CPQ: variants seen among roughly 807,000 people sequenced by gnomAD.
The protein encoded by CPQ is carboxypeptidase Q, also known as Ser-Met dipeptidase.
In CPQ, 37 loss-of-function variants were observed where a neutral mutation model predicts 45.7. That is an observed-to-expected ratio of 0.81 (90% CI 0.62 to 1.07). CPQ has a LOEUF of 1.07. Among genes scored for constraint, CPQ ranks in the 50% least tolerant of loss-of-function variants. The pLI, the probability that CPQ is intolerant of heterozygous loss-of-function variation, is 0.00. For missense variants in CPQ, 537 were observed against 572.9 expected (o/e 0.94, Z 0.64); for synonymous variants, 186 against 205.8 (o/e 0.90, Z 0.82).
intron 1 of CPQ, among the ~76,000 whole-genome samples, chr8:96,724,677 T>C (rs959452859): frequency 6.6e-6 from 1 of 152,170 alleles, no homozygotes; most frequent in African/African-American, 2.4e-5. Flanking sequence ...ATGTCCACAC[T>C]GGCCCCAAGA....
intron 4 of CPQ, among the ~76,000 whole-genome samples, chr8:96,930,114 G>T (rs1338440859): frequency 6.6e-6 from 1 of 152,164 alleles, no homozygotes; most frequent in Non-Finnish European, 1.5e-5. Flanking sequence ...AATGAAAAAT[G>T]AAAATACAGT....
At chr8:97,067,670 A>G (rs1810662819) in intron 7 of CPQ, among the ~76,000 whole-genome samples, 2 of 152,244 alleles carry the variant, frequency 1.3e-5, no homozygotes, top group African/African-American at 4.8e-5. Flanking sequence ...ATAACTAAAA[A>G]TAAAAGGAGC....
chr8:96,769,819 G>A (rs1240446221), intron 1 of CPQ, among the ~76,000 whole-genome samples: 1 of 151,678 alleles, frequency 6.6e-6, no homozygotes, highest in Non-Finnish European at 1.5e-5. Context: ...TTTGTGGGGG[G>A]TGGGTAGAGA....
chr8:97,101,067 T>C (rs1287307646), intron 7 of CPQ, among the ~76,000 whole-genome samples: 1 of 152,204 alleles, frequency 6.6e-6, no homozygotes, highest in Non-Finnish European at 1.5e-5. Context: ...ACCACGTTTG[T>C]ATTGTCAGGA....
At chr8:96,907,061 T>G (rs1812589009) in intron 4 of CPQ, among the ~76,000 whole-genome samples, 1 of 152,186 alleles carries the variant, frequency 6.6e-6, no homozygotes, top group Non-Finnish European at 1.5e-5. Flanking sequence ...CATAATATAT[T>G]TTGTATTTGT....
chr8:96,921,719 C>T (rs1812810428), intron 4 of CPQ, among the ~76,000 whole-genome samples: 1 of 152,088 alleles, frequency 6.6e-6, no homozygotes, highest in African/African-American at 2.4e-5. Context: ...TCCCCAACTC[C>T]CAAATTAAGC....
rs1170178283 is a variant in CPQ, at chr8:96,717,020, T to TATAA, written c.-34-67840_-34-67837dup. 1.3e-4 allele frequency among the ~76,000 whole-genome samples: 10 copies of TATAA among 75,682 alleles called. No homozygotes were observed. The South Asian group carries it at 2.6e-3, about 20-fold the overall frequency. 49.7% of individuals were successfully genotyped at this position (75,682 alleles called of 152,430 possible). The stretch of plus-strand genomic sequence containing the variant: ...TTTATGGCTGAGCAGTATTCCATGA[T>TATAA]ATAAATATATATATATATATATATA... On this transcript the variant is annotated intron_variant, in intron 1 of 7. Coordinates refer to ENST00000220763, the MANE Select transcript of CPQ (RefSeq NM_016134.4).
At chr8:96,911,160 A>G (rs1042660819) in intron 4 of CPQ, among the ~76,000 whole-genome samples, 4 of 152,162 alleles carry the variant, frequency 2.6e-5, no homozygotes, top group Non-Finnish European at 4.4e-5. Flanking sequence ...CTGGGTAAGT[A>G]AAGAGGTGGA....
intron 1 of CPQ, among the ~76,000 whole-genome samples, chr8:96,689,274 G>C (rs908317320): frequency 2.2e-5 from 3 of 138,240 alleles, no homozygotes; most frequent in African/African-American, 5.4e-5. Context: ...AGTGGTGTCT[G>C]CTACCTCTGT....
intron 3 of CPQ, among the ~76,000 whole-genome samples, chr8:96,864,875 T>C (rs761144125): frequency 7.9e-5 from 12 of 151,902 alleles, no homozygotes; most frequent in Non-Finnish European, 1.6e-4. Context: ...AAACATTTAT[T>C]GTAGGTATTG....
Position 96,878,333 on chromosome 8 carries a change from C to T in CPQ, c.642-1465C>T, listed in dbSNP as rs553729730. Among the ~76,000 whole-genome samples, 349 of 152,234 alleles carry T rather than the reference C, an allele frequency of 2.3e-3. 2 individuals carry two copies. Among genetic ancestry groups the T allele is most frequent in the African/African-American group, 7.8e-3 (324 of 41,548 alleles). On this transcript the variant is annotated intron_variant, in intron 3 of 7. Transcript: ENST00000220763. ...ATGGTACTAATCACTTGAGATTAGACAGTCTCTGCAGGGATAATTGAATAA... is the reference window on the plus strand; with the variant it reads ...ATGGTACTAATCACTTGAGATTAGATAGTCTCTGCAGGGATAATTGAATAA...
intron 5 of CPQ, among the ~76,000 whole-genome samples, chr8:96,992,041 T>C (rs143492410): frequency 2.6e-5 from 4 of 152,310 alleles, no homozygotes; most frequent in Non-Finnish European, 4.4e-5. Context: ...CTTACACAGA[T>C]TGATTCTATA....
At chr8:96,890,969 C>T (rs1563522118) in intron 4 of CPQ, among the ~76,000 whole-genome samples, 2 of 152,182 alleles carry the variant, frequency 1.3e-5, no homozygotes, top group Admixed American at 6.5e-5. Flanking sequence ...TTCTGGAGAA[C>T]TTCACTCGAG....
At chr8:96,908,070 T>C (rs1429723069) in intron 4 of CPQ, among the ~76,000 whole-genome samples, 1 of 151,860 alleles carries the variant, frequency 6.6e-6, no homozygotes, top group Admixed American at 6.6e-5. Flanking sequence ...CATTCTATTC[T>C]ATACTGCCTC....
chr8:97,123,298 GT>G (rs754698423), intron 7 of CPQ, among the ~76,000 whole-genome samples: 75 of 146,906 alleles, frequency 5.1e-4, no homozygotes, highest in Admixed American at 1.8e-3. Flanking sequence ...AGGCATTTTG[GT>G]TTTTAAAATA....
intron 7 of CPQ, among the ~76,000 whole-genome samples, chr8:97,101,363 A>G (rs556500486): frequency 6.6e-6 from 1 of 152,044 alleles, no homozygotes; most frequent in Admixed American, 6.6e-5. Flanking sequence ...TTCTGCCCAC[A>G]ATTGATCAAA....
chr8:96,919,395 T>TCTAA (rs567596566), intron 4 of CPQ, among the ~76,000 whole-genome samples: 1 of 152,124 alleles, frequency 6.6e-6, no homozygotes, highest in Non-Finnish European at 1.5e-5. Flanking sequence ...AGGAATCATA[T>TCTAA]CTAACTAACT....
intron 7 of CPQ, among the ~76,000 whole-genome samples, chr8:97,071,619 A>G (rs1810745253): frequency 6.6e-6 from 1 of 152,144 alleles, no homozygotes; most frequent in African/African-American, 2.4e-5. Context: ...GCAGCCTCCT[A>G]GTAATATCCC....
At chr8:96,893,668 T>TA (rs1321606908) in intron 4 of CPQ, among the ~76,000 whole-genome samples, 1 of 152,064 alleles carries the variant, frequency 6.6e-6, no homozygotes, top group Non-Finnish European at 1.5e-5. Flanking sequence ...AAGTGGAAAA[T>TA]ACGATTCAAA....
Sources: gnomAD v4.1 joint callset for allele counts (sites outside exome capture counted in the v4.1 genomes callset) on GRCh38, gnomAD v4.1.1 for gene constraint, MANE v1.5 for transcripts, NCBI Gene and HGNC (gene_info 2026-07-23, HGNC 2026-07-21) for gene names.